The following DPF3 variants were observed in gnomAD, a reference collection of about 807,000 sequenced individuals.
DPF3 encodes the protein double PHD fingers 3, also known as zinc finger protein DPF3.
DPF3 carries 18 observed loss-of-function variants against 56.8 expected under a neutral mutation model. The ratio of observed to expected loss-of-function variants is 0.32; its 90% CI spans 0.22 to 0.47. DPF3 has a LOEUF of 0.47. DPF3 is among the 20% of genes least tolerant of loss of function. The pLI, the probability that DPF3 is intolerant of heterozygous loss-of-function variation, is 1.00. For missense variants in DPF3, 403 were observed against 488.8 expected (o/e 0.82, Z 1.65); for synonymous variants, 188 against 180.2 (o/e 1.04, Z -0.35).
At chr14:72,622,304 G>GA (rs1272060426) in intron 9 of DPF3, among the ~76,000 whole-genome samples, 1 of 151,990 alleles carries the variant, frequency 6.6e-6, no homozygotes, top group Non-Finnish European at 1.5e-5. Context: ...GACAGGCAGA[G>GA]AAAAAAAGAC....
rs115779749 is a variant in DPF3 at position 72,803,796 on chromosome 14, G to T, written c.33-31903C>A. 4.4e-3 allele frequency among the ~76,000 whole-genome samples: 669 copies of T among 152,306 alleles called. 8 individuals carry two copies. Among genetic ancestry groups the T allele is most frequent in the African/African-American group, 0.016 (647 of 41,560 alleles). On this transcript the variant is annotated intron_variant, in intron 1 of 10. Transcript: ENST00000556509. ...TGCCTACATTCTCCAATATGTCCCA[G>T]AAAGTGTCAAGAGCTTTGTAACGCA... is the stretch of plus-strand genomic sequence containing the variant.
rs148051242 is a variant in DPF3, at chr14:72,855,270, A to G, written c.32+38787T>C. ...TGAAACCTCCAATGGTTTATTTGCC[A>G]TGACAATTTTTAAAAATCAGTAGGA... On this transcript the variant is annotated intron_variant, in intron 1 of 10. Transcript: ENST00000556509. Among the ~76,000 whole-genome samples, 1,346 of 152,324 alleles carry G rather than the reference A, an allele frequency of 8.8e-3. 15 individuals carry two copies. Among genetic ancestry groups the G allele is most frequent in the African/African-American group, 0.031 (1,281 of 41,576 alleles).
chr14:72,863,100 A>ATATATATATATATATG (rs1413440131), intron 1 of DPF3, among the ~76,000 whole-genome samples: 4 of 110,614 alleles, frequency 3.6e-5, no homozygotes, highest in African/African-American at 1.1e-4. Flanking sequence ...ATATATATAT[A>ATATATATATATATATG]TGTGTGTGTA....
intron 1 of DPF3, among the ~76,000 whole-genome samples, chr14:72,798,370 C>G (rs1342819266): frequency 1.3e-5 from 2 of 150,326 alleles, no homozygotes; most frequent in Non-Finnish European, 1.5e-5. Context: ...CCCATTTATC[C>G]TTTTGCTGTC....
intron 8 of DPF3, among the ~76,000 whole-genome samples, chr14:72,643,279 G>A (rs1885613958): frequency 6.6e-6 from 1 of 152,206 alleles, no homozygotes; most frequent in Admixed American, 6.5e-5. Context: ...CTCTCTCCAT[G>A]CCTCAGTTTC....
chr14:72,857,656 G>A (rs1345348507), intron 1 of DPF3, among the ~76,000 whole-genome samples: 4 of 152,000 alleles, frequency 2.6e-5, no homozygotes, highest in East Asian at 3.9e-4. Flanking sequence ...GCGCAATCTC[G>A]GCTCACTGCA....
Position 72,618,402 on chromosome 14 carries a change from C to T in DPF3, c.*895G>A, listed in dbSNP as rs1884217953. Among the ~76,000 whole-genome samples the T allele has an allele frequency of 6.6e-6, 1 of 152,154 alleles. No homozygotes were observed. Among genetic ancestry groups the T allele is most frequent in the Admixed American group, 6.5e-5 (1 of 15,278 alleles). ...CGCTCCCCTTCCTGGTTCTTCAGTC[C>T]CACCAGGAGAAGCTGAACCAGGTCT... is the stretch of plus-strand genomic sequence containing the variant. On this transcript the variant is annotated 3_prime_UTR_variant, in exon 11 of 11. Transcript: ENST00000556509.
rs546385265 is a variant in DPF3 at position 72,643,478 on chromosome 14, A to G, written c.872-13742T>C. 5.9e-5 allele frequency among the ~76,000 whole-genome samples: 9 copies of G among 152,350 alleles called. No homozygotes were observed. In the East Asian group the frequency reaches 1.7e-3, roughly 29 times the overall value. ...GGGAAGAATTGCTCAGGAGTGAGCC[A>G]GTCCAGCCCACACAAAGGGGCCTGG... On this transcript the variant is annotated intron_variant, in intron 8 of 10. Coordinates refer to ENST00000556509, the MANE Select transcript of DPF3 (RefSeq NM_001280542.3).
intron 3 of DPF3, among the ~76,000 whole-genome samples, chr14:72,732,925 T>C (rs1889729766): frequency 1.3e-5 from 2 of 151,750 alleles, no homozygotes; most frequent in South Asian, 4.2e-4. Context: ...TTTCTTTCTC[T>C]CTCTCTCTCT....
chr14:72,681,178 GA>G (rs1408876892), intron 7 of DPF3, among the ~76,000 whole-genome samples: 2 of 151,946 alleles, frequency 1.3e-5, no homozygotes, highest in Non-Finnish European at 2.9e-5. Flanking sequence ...TTTTTGAGGG[GA>G]AAAAAAATCT....
At chr14:72,881,071 A>C (rs1000740059) in intron 1 of DPF3, among the ~76,000 whole-genome samples, 1 of 152,216 alleles carries the variant, frequency 6.6e-6, no homozygotes. Flanking sequence ...CAGCAGGAAG[A>C]CTTGACTGAA....
rs7152728 is a variant in DPF3, at chr14:72,764,878, A to C, written c.193+6855T>G. Among the ~76,000 whole-genome samples the C allele has an allele frequency of 3.0e-3, 450 of 152,308 alleles. 2 individuals carry two copies. The highest frequency in any genetic ancestry group is 0.01 in the African/African-American group (430 of 41,568). The stretch of plus-strand genomic sequence containing the variant: ...AGCCCATAGGTCAGAAGCACAGCTG[A>C]CAACCTGGACTTGAAATTGGCATAT... On this transcript the variant is annotated intron_variant, in intron 2 of 10. Transcript: ENST00000556509.
intron 6 of DPF3, among the ~76,000 whole-genome samples, chr14:72,712,400 G>T (rs1888693861): frequency 6.6e-6 from 1 of 152,174 alleles, no homozygotes; most frequent in African/African-American, 2.4e-5. Context: ...AGGCAAAGGT[G>T]GGAGGAGAGG....
chr14:72,743,600 CA>C (rs57448538), intron 3 of DPF3, among the ~76,000 whole-genome samples: 84,029 of 141,538 alleles, frequency 0.59, 25,243 homozygotes, highest in African/African-American at 0.74. Context: ...TTTCTTCATT[CA>C]AAAAAAAAAA....
intron 1 of DPF3, among the ~76,000 whole-genome samples, chr14:72,775,821 TC>T (rs1221267857): frequency 6.6e-6 from 1 of 152,116 alleles, no homozygotes; most frequent in African/African-American, 2.4e-5. Context: ...GATTTCATCC[TC>T]CCTGATAAAT....
chr14:72,886,067 G>C (rs189462966), intron 1 of DPF3, among the ~76,000 whole-genome samples: 1 of 152,112 alleles, frequency 6.6e-6, no homozygotes, highest in Non-Finnish European at 1.5e-5. Context: ...GTTTCTCTCC[G>C]GGATGATGAA....
At chr14:72,888,354 G>C (rs1433703155) in intron 1 of DPF3, among the ~76,000 whole-genome samples, 1 of 152,028 alleles carries the variant, frequency 6.6e-6, no homozygotes, top group Non-Finnish European at 1.5e-5. Flanking sequence ...CAAATCACAG[G>C]CTTCAAAAAC....
At chr14:72,771,662 C>A (rs934789277) in intron 2 of DPF3, 71 bp downstream of exon 2, 184 of 1,524,662 alleles carry the variant, frequency 1.2e-4, no homozygotes, top group Non-Finnish European at 1.5e-4. Flanking sequence ...GTTTCCCAGA[C>A]AAGCTGCGGT....
rs192172248 is a variant in DPF3, at chr14:72,885,767, G to C, written c.32+8290C>G. 3.3e-3 allele frequency among the ~76,000 whole-genome samples: 502 copies of C among 152,190 alleles called. 1 individual carries two copies. The highest frequency in any genetic ancestry group is 0.012 in the African/African-American group (483 of 41,526). On this transcript the variant is annotated intron_variant, in intron 1 of 10. Transcript: ENST00000556509. ...TGAAAACCCAAAAGAAATGAAAATG[G>C]GGACTCAAAAACAGCCAAAAGGTGA...
Sources: allele counts gnomAD v4.1 joint callset (sites outside exome capture counted in the v4.1 genomes callset), GRCh38; gene constraint gnomAD v4.1.1; transcripts MANE v1.5; gene names NCBI Gene and HGNC (gene_info 2026-07-23, HGNC 2026-07-21).